LRGUK: variants seen among roughly 807,000 people sequenced by gnomAD.
The protein encoded by LRGUK is leucine rich repeats and guanylate kinase domain containing, also known as leucine-rich repeat and guanylate kinase domain-containing protein.
A neutral mutation model predicts 76.0 loss-of-function variants in LRGUK; 65 were observed. The ratio of observed to expected loss-of-function variants is 0.85; its 90% CI spans 0.70 to 1.05. The LOEUF (loss-of-function observed/expected upper bound fraction) is 1.05, where lower values mean the gene tolerates loss of function less well. Ranked by LOEUF, LRGUK falls within the 50% of genes least tolerant of loss-of-function variation. The pLI is 0.00. For missense variants in LRGUK, 758 were observed against 732.8 expected (o/e 1.03, Z -0.40); for synonymous variants, 268 against 265.6 (o/e 1.01, Z -0.09).
At chr7:134,220,941 G>A (rs1381520184) in intron 15 of LRGUK, among the ~76,000 whole-genome samples, 1 of 151,980 alleles carries the variant, frequency 6.6e-6, no homozygotes, top group African/African-American at 2.4e-5. Context: ...TCAAACCTCA[G>A]CCCCTGATGC....
intron 16 of LRGUK, among the ~76,000 whole-genome samples, chr7:134,231,428 CTTCCT>C (rs1283724018): frequency 1.5e-5 from 2 of 137,282 alleles, no homozygotes; most frequent in Non-Finnish European, 3.0e-5. Flanking sequence ...TCCTTCCTCC[CTTCCT>C]TTCTTCTTTC....
chr7:134,192,705 A>G (rs1411779997), intron 12 of LRGUK, among the ~76,000 whole-genome samples: 2 of 152,228 alleles, frequency 1.3e-5, no homozygotes, highest in African/African-American at 2.4e-5. Context: ...TATTTTCATC[A>G]CGACCAATGA....
At chr7:134,265,096 T>C (rs2117238623), downstream of LRGUK, among the ~76,000 whole-genome samples, 1 of 152,212 alleles carries the variant, frequency 6.6e-6, no homozygotes, top group African/African-American at 2.4e-5. Context: ...ATGACCACGT[T>C]GGGCAAGGAA....
At chr7:134,210,355 C>T (rs1585561517), downstream of LRGUK, 2 of 398,238 alleles carry the variant, frequency 5.0e-6, no homozygotes, top group East Asian at 7.1e-5. Context: ...GCCGAGCCAT[C>T]ACCTAAGACC....
intron 1 of LRGUK, among the ~76,000 whole-genome samples, chr7:134,135,996 A>G (rs17167459): frequency 0.13 from 19,560 of 152,234 alleles, 1,548 homozygotes; most frequent in East Asian, 0.33. Context: ...TGCGTATGTC[A>G]TCAGTACCTA....
intron 1 of LRGUK, 63 bp downstream of exon 1, chr7:134,127,727 C>T: frequency 1.3e-6 from 2 of 1,521,508 alleles, no homozygotes; most frequent in African/African-American, 1.4e-5. Context: ...ACTTCAGCGG[C>T]AGCTCCCCGA....
At chr7:134,268,427 T>C (rs946323429), downstream of LRGUK, among the ~76,000 whole-genome samples, 32 of 152,258 alleles carry the variant, frequency 2.1e-4, no homozygotes, top group African/African-American at 7.2e-4. Context: ...CTGCATGGCA[T>C]AGATAATTTG....
chr7:134,224,222 T>C (rs1274768913), intron 16 of LRGUK, among the ~76,000 whole-genome samples: 1 of 152,222 alleles, frequency 6.6e-6, no homozygotes. Flanking sequence ...CTAAATCCTG[T>C]CCATCTTTAA....
At chr7:134,254,828 C>T (rs1169015339) in intron 18 of LRGUK, among the ~76,000 whole-genome samples, 1 of 152,138 alleles carries the variant, frequency 6.6e-6, no homozygotes, top group Non-Finnish European at 1.5e-5. Flanking sequence ...GAAGCATATA[C>T]TTGATGGACT....
chr7:134,175,086 A>G (rs2116984764), intron 8 of LRGUK, among the ~76,000 whole-genome samples: 1 of 152,382 alleles, frequency 6.6e-6, no homozygotes, highest in Non-Finnish European at 1.5e-5. Flanking sequence ...ATTTACCTGG[A>G]TATAGCCATG....
At chr7:134,230,936 ATTGT>A (rs1472615957) in intron 16 of LRGUK, among the ~76,000 whole-genome samples, 4 of 152,254 alleles carry the variant, frequency 2.6e-5, no homozygotes, top group African/African-American at 7.2e-5. Context: ...GATGCTGGCA[ATTGT>A]TTGTGAGGTT....
downstream of LRGUK, among the ~76,000 whole-genome samples, chr7:134,268,383 T>A (rs780701383): frequency 6.6e-6 from 1 of 150,996 alleles, no homozygotes; most frequent in African/African-American, 2.5e-5. Flanking sequence ...AAACAAACTC[T>A]TTTCTTAAAA....
chr7:134,230,051 A>C (rs1260841678), intron 16 of LRGUK, among the ~76,000 whole-genome samples: 1 of 152,180 alleles, frequency 6.6e-6, no homozygotes, highest in Non-Finnish European at 1.5e-5. Flanking sequence ...CATTAAAACT[A>C]AGATCTCCTG....
At chr7:134,239,444 G>A (rs574398418) in intron 16 of LRGUK, among the ~76,000 whole-genome samples, 5 of 152,184 alleles carry the variant, frequency 3.3e-5, no homozygotes, top group South Asian at 2.1e-4. Flanking sequence ...ATGCAGCCTC[G>A]CTGACTGCTA....
chr7:134,242,869 T>C (rs1802199822), intron 16 of LRGUK, among the ~76,000 whole-genome samples: 1 of 152,158 alleles, frequency 6.6e-6, no homozygotes, highest in South Asian at 2.1e-4. Context: ...TCAAGTTGGC[T>C]TCATCCCTGG....
chr7:134,131,538 G>C (rs558487476), intron 1 of LRGUK, among the ~76,000 whole-genome samples: 23 of 152,150 alleles, frequency 1.5e-4, no homozygotes, highest in African/African-American at 5.6e-4. Context: ...TTTTCCTACC[G>C]ATGAGTTACA....
At chr7:134,210,317 T>C (rs902213103), downstream of LRGUK, 3 of 398,494 alleles carry the variant, frequency 7.5e-6, no homozygotes, top group Non-Finnish European at 1.3e-5. Flanking sequence ...GCAAAGTCCA[T>C]ACACCAGAAA....
chr7:134,160,950 A>G (rs774276710), intron 6 of LRGUK, among the ~76,000 whole-genome samples: 3 of 152,210 alleles, frequency 2.0e-5, no homozygotes, highest in Non-Finnish European at 4.4e-5. Context: ...ATAGCTTTCA[A>G]TTCAGAAATT....
At chr7:134,243,916 A>G (rs1274862357) in intron 16 of LRGUK, among the ~76,000 whole-genome samples, 1 of 152,200 alleles carries the variant, frequency 6.6e-6, no homozygotes, top group Non-Finnish European at 1.5e-5. Context: ...CAACCATCTG[A>G]TCTTTGACAA....
Sources: allele counts gnomAD v4.1 joint callset (sites outside exome capture counted in the v4.1 genomes callset), GRCh38; gene constraint gnomAD v4.1.1; transcripts MANE v1.5; gene names NCBI Gene and HGNC (gene_info 2026-07-23, HGNC 2026-07-21).